Variants in GPC6 observed in about 807,000 individuals in gnomAD.
GPC6 encodes glypican 6, also known as glypican-6.
Under a neutral mutation model 55.2 loss-of-function variants are expected in GPC6, and 14 were observed. That is an observed-to-expected ratio of 0.25 (90% confidence interval 0.17 to 0.40). The LOEUF is 0.40. Ranked by LOEUF, GPC6 falls within the 10% of genes least tolerant of loss-of-function variation. The pLI, the probability that GPC6 is intolerant of heterozygous loss-of-function variation, is 1.00. For missense variants in GPC6, 641 were observed against 708.5 expected (o/e 0.90, Z 1.08); for synonymous variants, 278 against 259.6 (o/e 1.07, Z -0.68).
chr13:94,372,190 C>G (rs1407814649), intron 6 of GPC6, among the ~76,000 whole-genome samples: 1 of 152,000 alleles, frequency 6.6e-6, no homozygotes. Context: ...CATATAATAT[C>G]TCATCACTGG....
At chr13:93,364,535 T>C (rs1279550262) in intron 1 of GPC6, among the ~76,000 whole-genome samples, 1 of 152,000 alleles carries the variant, frequency 6.6e-6, no homozygotes, top group Non-Finnish European at 1.5e-5. Flanking sequence ...AGCATTTTTT[T>C]CCTTATTTTT....
At chr13:93,300,160 G>A (rs1878625335) in intron 1 of GPC6, among the ~76,000 whole-genome samples, 1 of 152,210 alleles carries the variant, frequency 6.6e-6, no homozygotes, top group South Asian at 2.1e-4. Flanking sequence ...GCATGGGTGT[G>A]TAGGAGGGGT....
chr13:93,585,413 G>A (rs1218122715), intron 2 of GPC6, among the ~76,000 whole-genome samples: 2 of 152,092 alleles, frequency 1.3e-5, no homozygotes, highest in African/African-American at 4.8e-5. Context: ...AATTTTCTCA[G>A]CATTCAGCTA....
At position 93,583,487 on chromosome 13, in the gene GPC6, C is replaced by T. The variant is rs559426815; in HGVS notation, c.319+38066C>T. 9.2e-5 allele frequency among the ~76,000 whole-genome samples: 14 copies of T among 152,132 alleles called. No individual in the cohort carries two copies. In the East Asian group the frequency reaches 9.7e-4, roughly 11 times the overall value. On this transcript the variant is annotated intron_variant, in intron 2 of 8. Transcript: ENST00000377047. ...ATGCTGGAGTGCAGTGGCGCGATAT[C>T]GGCTCACCGCAACCTCCGCCTCCCA...
chr13:93,909,998 G>C (rs1876879695), intron 3 of GPC6, among the ~76,000 whole-genome samples: 1 of 151,914 alleles, frequency 6.6e-6, no homozygotes. Flanking sequence ...CTATGGGTTA[G>C]TTTTGAGAGG....
intron 1 of GPC6, among the ~76,000 whole-genome samples, chr13:93,264,669 A>G (rs1877263500): frequency 6.6e-6 from 1 of 152,154 alleles, no homozygotes; most frequent in Non-Finnish European, 1.5e-5. Context: ...AAGTGCTGAG[A>G]TTATAGGTAT....
In GPC6 at chr13:93,962,667, G is replaced by A. The variant is rs370838066; in HGVS notation, c.712-65062G>A. 4.6e-5 allele frequency among the ~76,000 whole-genome samples: 7 copies of A among 152,114 alleles called. No homozygotes were observed. The East Asian group carries it at 1.3e-3, about 29-fold the overall frequency. On this transcript the variant is annotated intron_variant, in intron 3 of 8. Coordinates refer to ENST00000377047, the MANE Select transcript of GPC6 (RefSeq NM_005708.5). ...CATGTCCTTTGAAATTTGAATCCAG[G>A]TGGTAAAACCTAGAATAACAAGCTA...
intron 2 of GPC6, among the ~76,000 whole-genome samples, chr13:93,559,229 AGTT>A (rs1267525999): frequency 1.3e-5 from 2 of 152,212 alleles, no homozygotes. Context: ...ATGTGAAATC[AGTT>A]GTCTTTCTAA....
intron 3 of GPC6, among the ~76,000 whole-genome samples, chr13:93,833,101 AGAT>A: frequency 8.4e-6 from 1 of 119,590 alleles, no homozygotes; most frequent in African/African-American, 3.3e-5. Flanking sequence ...GTAGATAGGT[AGAT>A]GATAGAGAGA....
intron 2 of GPC6, among the ~76,000 whole-genome samples, chr13:93,788,416 C>T (rs996379534): frequency 6.6e-6 from 1 of 151,898 alleles, no homozygotes; most frequent in African/African-American, 2.4e-5. Flanking sequence ...TTGGCAATAC[C>T]TGAATTCTGG....
chr13:93,906,090 G>A (rs1177131587), intron 3 of GPC6, among the ~76,000 whole-genome samples: 1 of 152,022 alleles, frequency 6.6e-6, no homozygotes, highest in Non-Finnish European at 1.5e-5. Flanking sequence ...GGATGCAGGG[G>A]GTGTCTCAGA....
intron 2 of GPC6, among the ~76,000 whole-genome samples, chr13:93,702,347 G>A (rs1026064278): frequency 4.6e-5 from 7 of 151,780 alleles, no homozygotes; most frequent in African/African-American, 7.3e-5. Context: ...TCAGTTAACC[G>A]TGCTCTAAAC....
At chr13:93,527,337 T>G (rs1287401110) in intron 1 of GPC6, among the ~76,000 whole-genome samples, 1 of 152,148 alleles carries the variant, frequency 6.6e-6, no homozygotes, top group Non-Finnish European at 1.5e-5. Context: ...CATTTTTCAC[T>G]CTTCCTCCTT....
At chr13:94,227,396 A>G (rs1275235277) in intron 4 of GPC6, among the ~76,000 whole-genome samples, 1 of 152,216 alleles carries the variant, frequency 6.6e-6, no homozygotes, top group Non-Finnish European at 1.5e-5. Flanking sequence ...TTTAAATTAA[A>G]TGGATTATTG....
At chr13:93,508,636 A>C (rs894832501) in intron 1 of GPC6, among the ~76,000 whole-genome samples, 24 of 152,232 alleles carry the variant, frequency 1.6e-4, no homozygotes, top group Non-Finnish European at 3.4e-4. Flanking sequence ...ATATTGTAGA[A>C]AAAGTGTTGA....
chr13:94,198,532 C>A (rs112114994), intron 4 of GPC6, among the ~76,000 whole-genome samples: 252 of 152,262 alleles, frequency 1.7e-3, no homozygotes, highest in Admixed American at 2.6e-3. Context: ...GATTATGAAC[C>A]AGCCTCCCAC....
chr13:93,849,077 A>G (rs1163660581), intron 3 of GPC6, among the ~76,000 whole-genome samples: 3 of 152,132 alleles, frequency 2.0e-5, no homozygotes, highest in East Asian at 3.9e-4. Flanking sequence ...GAAATTGTAA[A>G]CTAGTACTCA....
At chr13:94,219,052 A>G (rs1242013508) in intron 4 of GPC6, among the ~76,000 whole-genome samples, 1 of 152,174 alleles carries the variant, frequency 6.6e-6, no homozygotes, top group African/African-American at 2.4e-5. Context: ...ATATGCTAAC[A>G]TGTGTCAGAA....
chr13:93,269,749 C>T (rs1162792848), intron 1 of GPC6, among the ~76,000 whole-genome samples: 1 of 137,414 alleles, frequency 7.3e-6, no homozygotes, highest in Non-Finnish European at 1.5e-5. Flanking sequence ...CACGGTGAAA[C>T]CCCATCTCTA....
Sources: gnomAD v4.1 joint callset for allele counts (sites outside exome capture counted in the v4.1 genomes callset) on GRCh38, gnomAD v4.1.1 for gene constraint, MANE v1.5 for transcripts, NCBI Gene and HGNC (gene_info 2026-07-23, HGNC 2026-07-21) for gene names.